Variants in ANKS1B observed in about 807,000 individuals in gnomAD.
ANKS1B encodes ankyrin repeat and sterile alpha motif domain-containing protein 1B.
In ANKS1B, 36 loss-of-function variants were observed where a neutral mutation model predicts 148.3. That is an observed-to-expected ratio of 0.24 (90% CI 0.19 to 0.32). The LOEUF is 0.32. Among genes scored for constraint, ANKS1B ranks in the 10% least tolerant of loss-of-function variants. ANKS1B has a pLI of 1.00. For missense variants in ANKS1B, 1,157 were observed against 1,542.6 expected (o/e 0.75, Z 4.19); for synonymous variants, 542 against 560.8 (o/e 0.97, Z 0.47).
At chr12:99,381,408 C>T (rs2093638805) in intron 12 of ANKS1B, among the ~76,000 whole-genome samples, 1 of 152,052 alleles carries the variant, frequency 6.6e-6, no homozygotes. Flanking sequence ...TAAGATCATC[C>T]AACGCACTGT....
intron 17 of ANKS1B, among the ~76,000 whole-genome samples, chr12:98,869,747 T>G (rs1467265461): frequency 1.3e-5 from 2 of 151,860 alleles, no homozygotes; most frequent in African/African-American, 4.8e-5. Flanking sequence ...ATTTAGATGT[T>G]AATGTTTAGC....
At chr12:99,269,106 A>G (rs1195741033) in intron 12 of ANKS1B, among the ~76,000 whole-genome samples, 2 of 152,172 alleles carry the variant, frequency 1.3e-5, no homozygotes, top group Non-Finnish European at 1.5e-5. Context: ...TTTTTATAAA[A>G]ATACATTCTC....
intron 8 of ANKS1B, among the ~76,000 whole-genome samples, chr12:99,763,740 A>C (rs542733032): frequency 9.2e-5 from 14 of 152,280 alleles, no homozygotes; most frequent in African/African-American, 3.4e-4. Flanking sequence ...AATGTTTATC[A>C]CATAAATATT....
chr12:99,286,813 CT>C (rs2154004698), intron 12 of ANKS1B, among the ~76,000 whole-genome samples: 1 of 152,280 alleles, frequency 6.6e-6, no homozygotes, highest in East Asian at 1.9e-4. Context: ...CAGCGAGAGA[CT>C]TCTTCTGCAT....
At chr12:99,622,578 A>C (rs1296174609) in intron 9 of ANKS1B, among the ~76,000 whole-genome samples, 1 of 152,012 alleles carries the variant, frequency 6.6e-6, no homozygotes, top group Non-Finnish European at 1.5e-5. Flanking sequence ...AGAAATACAA[A>C]AGATCCTCAG....
At chr12:99,167,072 T>C (rs77153683) in intron 14 of ANKS1B, among the ~76,000 whole-genome samples, 1 of 151,950 alleles carries the variant, frequency 6.6e-6, no homozygotes, top group African/African-American at 2.4e-5. Context: ...CCAAAAAAAA[T>C]TTAATCCATA....
At chr12:99,570,376 A>G (rs1484955910) in intron 9 of ANKS1B, among the ~76,000 whole-genome samples, 2 of 152,086 alleles carry the variant, frequency 1.3e-5, no homozygotes, top group Admixed American at 6.5e-5. Context: ...GGCCGGGCAC[A>G]GTGGCTCACG....
At chr12:99,412,226 G>T (rs1223402948) in intron 11 of ANKS1B, among the ~76,000 whole-genome samples, 3 of 151,936 alleles carry the variant, frequency 2.0e-5, no homozygotes, top group Non-Finnish European at 4.4e-5. Flanking sequence ...ATTAAGCCTG[G>T]TTTCTCTCTT....
chr12:99,780,748 G>A (rs1285889763), intron 5 of ANKS1B, among the ~76,000 whole-genome samples: 1 of 152,140 alleles, frequency 6.6e-6, no homozygotes, highest in East Asian at 1.9e-4. Context: ...CATGTACCAT[G>A]TAAGTAACAT....
chr12:99,799,719 G>A lies in ANKS1B; in HGVS notation c.669+6685C>T, dbSNP rs945470162. Among the ~76,000 whole-genome samples the A allele has an allele frequency of 9.9e-5, 15 of 152,070 alleles. 1 individual carries two copies. The highest frequency in any genetic ancestry group is 2.2e-4 in the Non-Finnish European group (15 of 67,996). ...AGGTGACATTGGAGAAGACACCTGA[G>A]GAAAGAAGGGGGAAGAAAGTCATGA... On this transcript the variant is annotated intron_variant, in intron 4 of 26. Transcript: ENST00000683438.
chr12:99,773,188 A>G, intron 7 of ANKS1B, 100 bp from the exon 8 acceptor site: 1 of 954,858 alleles, frequency 1.0e-6, no homozygotes, highest in Non-Finnish European at 1.5e-6. Flanking sequence ...AACTCAAAAT[A>G]TAACAAGATT....
chr12:99,494,723 ACT>A (rs1464489516), intron 10 of ANKS1B, among the ~76,000 whole-genome samples: 2 of 117,828 alleles, frequency 1.7e-5, no homozygotes, highest in East Asian at 4.9e-4. Flanking sequence ...ACAGAGGGAC[ACT>A]CTGTCTCAAA....
chr12:99,043,848 T>A (rs2099960618), intron 17 of ANKS1B, among the ~76,000 whole-genome samples: 1 of 152,216 alleles, frequency 6.6e-6, no homozygotes. Context: ...ACCATTATAA[T>A]TTACTTTGAA....
chr12:99,462,340 C>G (rs115875994), intron 10 of ANKS1B, among the ~76,000 whole-genome samples: 5 of 152,174 alleles, frequency 3.3e-5, no homozygotes, highest in Admixed American at 6.5e-5. Context: ...CCTGTCCTAT[C>G]GCCAACTTGG....
intron 14 of ANKS1B, among the ~76,000 whole-genome samples, chr12:99,230,256 A>C (rs1168245894): frequency 1.3e-5 from 2 of 152,132 alleles, no homozygotes; most frequent in African/African-American, 2.4e-5. Flanking sequence ...CAACAAAATA[A>C]GTTTTCAACA....
intron 12 of ANKS1B, among the ~76,000 whole-genome samples, chr12:99,327,835 C>T (rs2086778911): frequency 6.6e-6 from 1 of 151,630 alleles, no homozygotes; most frequent in East Asian, 1.9e-4. Flanking sequence ...AGCACTGTTG[C>T]TAATATTTTT....
intron 9 of ANKS1B, among the ~76,000 whole-genome samples, chr12:99,631,387 T>C (rs1401628496): frequency 6.6e-6 from 1 of 151,856 alleles, no homozygotes; most frequent in African/African-American, 2.4e-5. Context: ...AACTAGATAA[T>C]GGGCAGAAGC....
chr12:99,126,705 C>T (rs995317360), intron 15 of ANKS1B, among the ~76,000 whole-genome samples: 2 of 152,152 alleles, frequency 1.3e-5, no homozygotes, highest in Non-Finnish European at 2.9e-5. Flanking sequence ...TTGCACTCTA[C>T]TTATTTCCAA....
Position 99,737,778 on chromosome 12 carries a change from A to G in ANKS1B, c.1128+35144T>C, listed in dbSNP as rs565443878. On this transcript the variant is annotated intron_variant, in intron 8 of 26. Coordinates refer to ENST00000683438, the MANE Select transcript of ANKS1B (RefSeq NM_001352186.2). ...CTTTCAGTTTCTTTCTCAAGTTCTTAGATCCTCGGGTCTTTGTTTTTTCTT... is the reference window on the plus strand; with the variant it reads ...CTTTCAGTTTCTTTCTCAAGTTCTTGGATCCTCGGGTCTTTGTTTTTTCTT... 1.4e-4 allele frequency among the ~76,000 whole-genome samples: 22 copies of G among 152,092 alleles called. 1 individual carries two copies. The highest frequency in any genetic ancestry group is 4.1e-4 in the African/African-American group (17 of 41,530).
Sources: gnomAD v4.1 joint callset for allele counts (sites outside exome capture counted in the v4.1 genomes callset) on GRCh38, gnomAD v4.1.1 for gene constraint, MANE v1.5 for transcripts, NCBI Gene and HGNC (gene_info 2026-07-23, HGNC 2026-07-21) for gene names.